The following RAPGEF3 variants were observed in gnomAD, a reference collection of about 807,000 sequenced individuals.
RAPGEF3 encodes the protein 9330170P05Rik.
A neutral mutation model predicts 129.8 loss-of-function variants in RAPGEF3; 103 were observed. The observed-to-expected ratio is 0.79, with a 90% confidence interval of 0.68 to 0.93. The LOEUF (loss-of-function observed/expected upper bound fraction) is 0.93, where lower values mean the gene tolerates loss of function less well. RAPGEF3 is among the 40% of genes least tolerant of loss of function. RAPGEF3 has a pLI of 0.00. For synonymous variants in RAPGEF3, 436 were observed against 482.6 expected, an observed-to-expected ratio of 0.90 and a Z score of 1.26; for missense variants, 1,117 against 1,207.4, an observed-to-expected ratio of 0.93 and a Z score of 1.11.
intron 27 of RAPGEF3, 147 bp downstream of exon 27, chr12:47,737,875 A>G: frequency 8.2e-7 from 1 of 1,215,642 alleles, no homozygotes; most frequent in Non-Finnish European, 1.2e-6. Context: ...CCCCTGGCTC[A>G]GAGCACAGAG....
chr12:47,748,486 A>G lies in RAPGEF3; in HGVS notation c.1211T>C (p.Met404Thr). 1 of 1,613,892 alleles carries G rather than the reference A, an allele frequency of 6.2e-7. No individual in the cohort carries two copies. The stretch of plus-strand genomic sequence containing the variant: ...GTCATGAGCACTGGAATCTGGTCCC[A>G]TGGCCTCCAACAGAAGCTCTAGGAT... The part of the protein sequence containing the change: ...EKILELLLEA[M>T]GPDSSAHDPT... The change falls in exon 12 of 28, where the codon ATG becomes ACG. Residue 404 changes from methionine (M) to threonine (T), a missense_variant. Physicochemically the swap from Met to Thr is moderately conservative, Grantham distance 81. Around this residue, in one of 3 missense-constraint regions of RAPGEF3, gnomAD observed 107 missense variants for 160.7 expected, o/e 0.67. Transcript: ENST00000449771.
At position 47,737,484 on chromosome 12, in the gene RAPGEF3, G is replaced by T; in HGVS notation, c.*83C>A. 4.7e-6 allele frequency: 6 copies of T among 1,278,508 alleles called. No homozygotes were observed. The highest frequency in any genetic ancestry group is 6.6e-6 in the Non-Finnish European group (6 of 907,282). The allele number at this position is 1,278,508 out of a possible 1,614,324, so 79.2% of individuals were successfully genotyped here. On this transcript the variant is annotated 3_prime_UTR_variant, in exon 28 of 28. Transcript: ENST00000449771. ...CCACGGAGAGCCTTGCCCAGCTGTGGCCAGCCTGTGAGTATCTTGGCCCGG... is the reference window on the plus strand; with the variant it reads ...CCACGGAGAGCCTTGCCCAGCTGTGTCCAGCCTGTGAGTATCTTGGCCCGG...
intron 2 of RAPGEF3, chr12:47,752,740 A>G (rs936125508): frequency 6.6e-6 from 1 of 152,358 alleles, no homozygotes; most frequent in African/African-American, 2.4e-5. Flanking sequence ...GCTAGTACTC[A>G]TCTGTGAGGC....
At position 47,751,511 on chromosome 12, in the gene RAPGEF3, G is replaced by A. The variant is rs749063425; in HGVS notation, c.390C>T (p.Cys130=). Residue 130 remains cysteine, a synonymous_variant, in exon 5 of 28, where the codon TGC becomes TGT. Coordinates refer to ENST00000449771, the MANE Select transcript of RAPGEF3 (RefSeq NM_001098531.4). ...TCCCATCCACCAGCTCCCGGCCAGA[G>A]CAGCACTGCCTATGGAAGGTAGAAG... ...KYHLRLYRQC[C]SGRELVDGIL... The A allele has an allele frequency of 6.2e-7, 1 of 1,614,244 alleles. No individual in the cohort carries two copies. The highest frequency in any genetic ancestry group is 1.3e-5 in the African/African-American group (1 of 75,068).
chr12:47,751,282 A>G, intron 5 of RAPGEF3, 66 bp from the exon 6 acceptor site: 1 of 1,552,092 alleles, frequency 6.4e-7, no homozygotes, highest in South Asian at 1.2e-5. Context: ...ATGAAACCCC[A>G]CTGCGATGCC....
Position 47,751,235 on chromosome 12 carries a change from G to A in RAPGEF3, c.503-19C>T. Reference sequence around the variant, plus strand: ...TGTTTCACTGGGGGGCAGAGGCCCAGGCGTGGGGGAGGAGAGGAAATTGAG... The same window carrying A: ...TGTTTCACTGGGGGGCAGAGGCCCAAGCGTGGGGGAGGAGAGGAAATTGAG... On this transcript the variant is annotated intron_variant, in intron 5 of 27. Coordinates refer to ENST00000449771, the MANE Select transcript of RAPGEF3 (RefSeq NM_001098531.4). 1 of 1,547,386 alleles carries A rather than the reference G, an allele frequency of 6.5e-7. No individual in the cohort carries two copies. The highest frequency in any genetic ancestry group is 8.7e-7 in the Non-Finnish European group (1 of 1,144,560).
Position 47,738,711 on chromosome 12 carries a change from A to T in RAPGEF3, c.2505T>A (p.Asn835Lys). The T allele has an allele frequency of 6.2e-7, 1 of 1,609,654 alleles. No homozygotes were observed. Reference protein sequence around the residue: ...IHEGNHTLVENLINFEKMRMM... With the variant: ...IHEGNHTLVEKLINFEKMRMM... Reference sequence around the variant, plus strand: ...TCACCATCTTCTCAAAGTTGATGAGATTCTCCACTAGTGTGTGGTTTCCCT... The same window carrying T: ...TCACCATCTTCTCAAAGTTGATGAGTTTCTCCACTAGTGTGTGGTTTCCCT... Residue 835 changes from asparagine to lysine, a missense_variant, in exon 25 of 28, where the codon AAT becomes AAA. By Grantham distance (94) the Asn-to-Lys change is moderately conservative. Around this residue, in one of 3 missense-constraint regions of RAPGEF3, gnomAD observed 643 missense variants for 673.4 expected, o/e 0.95. Transcript: ENST00000449771.
At position 47,737,470 on chromosome 12, in the gene RAPGEF3, C is replaced by G. The variant is rs1029849796; in HGVS notation, c.*97G>C. The G allele has an allele frequency of 1.8e-6, 2 of 1,104,990 alleles. No individual in the cohort carries two copies. The highest frequency in any genetic ancestry group is 1.6e-5 in the African/African-American group (1 of 64,434). 68.4% of individuals were successfully genotyped at this position (1,104,990 alleles called of 1,614,324 possible). On this transcript the variant is annotated 3_prime_UTR_variant, in exon 28 of 28. Transcript: ENST00000449771. Reference sequence around the variant, plus strand: ...GACTCGAGTCCACTCCACGGAGAGCCTTGCCCAGCTGTGGCCAGCCTGTGA... The same window carrying G: ...GACTCGAGTCCACTCCACGGAGAGCGTTGCCCAGCTGTGGCCAGCCTGTGA...
chr12:47,737,696 A>C lies in RAPGEF3; in HGVS notation c.2654-11T>G. 1 of 1,611,208 alleles carries C rather than the reference A, an allele frequency of 6.2e-7. No individual in the cohort carries two copies. The highest frequency in any genetic ancestry group is 8.5e-7 in the Non-Finnish European group (1 of 1,178,268). On this transcript the variant is annotated splice_polypyrimidine_tract_variant and intron_variant, in intron 27 of 27. Coordinates refer to ENST00000449771, the MANE Select transcript of RAPGEF3 (RefSeq NM_001098531.4). ...GGGACTGCTCCGAGCCTGGTGGAGG[A>C]GAGTAGTCAGGGAGGCACTGATGCC...
At chr12:47,743,941 C>T (rs775040622) in intron 17 of RAPGEF3, 46 bp downstream of exon 17, 30 of 1,525,208 alleles carry the variant, frequency 2.0e-5, no homozygotes, top group Non-Finnish European at 2.7e-5. Flanking sequence ...GCAGAGACAG[C>T]AGGGTGCAGA....
In RAPGEF3 at chr12:47,749,563, GC is replaced by G; in HGVS notation, c.895-28del. On this transcript the variant is annotated intron_variant, in intron 9 of 27. Transcript: ENST00000449771. This position sits in a 1 kb window ranked among gnomAD's most constrained non-coding sequence, Gnocchi z 4.5. ...TGCAGCCAGGCCTCAGTCTCAGCCC[GC>G]CCCTGCCGCCCCTGCCGCCCCCAGC... 1 of 1,462,658 alleles carries G rather than the reference GC, an allele frequency of 6.8e-7. No homozygotes were observed. 90.6% of individuals were successfully genotyped at this position (1,462,658 alleles called of 1,614,324 possible).
At chr12:47,738,372 T>A in intron 25 of RAPGEF3, 125 bp from the exon 26 acceptor site, 1 of 1,317,326 alleles carries the variant, frequency 7.6e-7, no homozygotes, top group Non-Finnish European at 1.1e-6. Flanking sequence ...CTTGGTTATG[T>A]GGCATCATGT....
Position 47,751,050 on chromosome 12 carries a change from C to T in RAPGEF3, c.669G>A (p.Lys223=). 1 of 1,597,686 alleles carries T rather than the reference C, an allele frequency of 6.3e-7. No homozygotes were observed. The highest frequency in any genetic ancestry group is 1.1e-5 in the South Asian group (1 of 87,644). The change falls in exon 6 of 28, where the codon AAG becomes AAA. Residue 223 remains lysine (K), a splice_region_variant and synonymous_variant. Transcript: ENST00000449771. The part of the protein sequence containing the change: ...PDALLTVALR[K]PPGQRTDEEL... ...GGGGTGCAGGGATTCTGACTCACGG[C>T]TTTCGAAGTGCCACAGTGAGCAGGG... is the stretch of plus-strand genomic sequence containing the variant.
At chr12:47,752,358 G>A (rs1340017207) in intron 2 of RAPGEF3, among the ~76,000 whole-genome samples, 1 of 152,240 alleles carries the variant, frequency 6.6e-6, no homozygotes, top group Non-Finnish European at 1.5e-5. Context: ...GAGCCAGGAT[G>A]TGAGCAGCTC....
Position 47,758,879 on chromosome 12 carries a change from C to A in RAPGEF3, c.-323G>T. 2 of 1,147,110 alleles carry A rather than the reference C, an allele frequency of 1.7e-6. No individual in the cohort carries two copies. The highest frequency in any genetic ancestry group is 2.1e-6 in the Non-Finnish European group (2 of 932,368). The allele number at this position is 1,147,110 out of a possible 1,614,324, so 71.1% of individuals were successfully genotyped here. On this transcript the variant is annotated 5_prime_UTR_variant, in exon 1 of 28. Transcript: ENST00000449771. ...CACCGGGCGCTGAAGCAAGGCTGCGCTGGCACCGGTCCGGGCGGGAGCTGT... is the reference window on the plus strand; with the variant it reads ...CACCGGGCGCTGAAGCAAGGCTGCGATGGCACCGGTCCGGGCGGGAGCTGT...
chr12:47,744,200 C>G, intron 16 of RAPGEF3, 132 bp from the exon 17 acceptor site: 1 of 719,746 alleles, frequency 1.4e-6, no homozygotes, highest in Non-Finnish European at 2.3e-6. Context: ...GAGGGCTCTG[C>G]TTGCCACATT....
chr12:47,749,838 A>G lies in RAPGEF3; in HGVS notation c.818-21T>C, dbSNP rs770246228. On this transcript the variant is annotated intron_variant, in intron 8 of 27. Coordinates refer to ENST00000449771, the MANE Select transcript of RAPGEF3 (RefSeq NM_001098531.4). The surrounding 1 kb of genome is among the most constrained non-coding windows in gnomAD (Gnocchi z 4.5). ...GAACACTGACAGAAGCATACCTCAGACCGGGCCCTCCTGGCACCTACCATT... is the reference window on the plus strand; with the variant it reads ...GAACACTGACAGAAGCATACCTCAGGCCGGGCCCTCCTGGCACCTACCATT... 5.6e-6 allele frequency: 9 copies of G among 1,614,010 alleles called. No individual in the cohort carries two copies. Among genetic ancestry groups the G allele is most frequent in the East Asian group, 4.5e-5 (2 of 44,896 alleles).
chr12:47,753,556 G>T (rs531540414), intron 2 of RAPGEF3, among the ~76,000 whole-genome samples: 1 of 152,354 alleles, frequency 6.6e-6, no homozygotes, highest in African/African-American at 2.4e-5. Context: ...TGTCCCAAGG[G>T]TATCCCTGCC....
Position 47,758,740 on chromosome 12 carries a change from A to T in RAPGEF3, c.-184T>A. 1.0e-5 allele frequency: 12 copies of T among 1,178,060 alleles called. No individual in the cohort carries two copies. Among genetic ancestry groups the T allele is most frequent in the Admixed American group, 3.9e-5 (1 of 25,618 alleles). The allele number at this position is 1,178,060 out of a possible 1,614,324, so 73.0% of individuals were successfully genotyped here. ...CAGCAGGATGCAGGGCTCGGTGGAG[A>T]GGCTCCTCTTGGGTGAGTAGAGGGG... On this transcript the variant is annotated 5_prime_UTR_variant, in exon 1 of 28. Transcript: ENST00000449771.
Sources: gnomAD v4.1 joint callset for allele counts (sites outside exome capture counted in the v4.1 genomes callset) on GRCh38, gnomAD v4.1.1 for gene constraint, gnomAD v4.1.1 regional missense constraint, Gnocchi (gnomAD v3.1) non-coding constraint, MANE v1.5 for transcripts, NCBI Gene and HGNC (gene_info 2026-07-23, HGNC 2026-07-21) for gene names.